The following NPR3 variants were observed in gnomAD, a reference collection of about 807,000 sequenced individuals.
NPR3 encodes atrial natriuretic peptide receptor 3.
In NPR3, 34 loss-of-function variants were observed where a neutral mutation model predicts 54.5. The observed-to-expected ratio is 0.62, with a 90% CI of 0.47 to 0.83. The LOEUF (loss-of-function observed/expected upper bound fraction) is 0.83. NPR3 is among the 40% of genes least tolerant of loss of function. The probability of loss-of-function intolerance (pLI) is 0.00; values close to 1 mark genes in which losing one functional copy is unlikely to be tolerated. For synonymous variants in NPR3, 289 were observed against 297.1 expected, an observed-to-expected ratio of 0.97 and a Z score of 0.28; for missense variants, 674 against 720.8, an observed-to-expected ratio of 0.94 and a Z score of 0.74.
intron 2 of NPR3, among the ~76,000 whole-genome samples, chr5:32,732,247 CAAAAAAAAAA>C (rs34564234): frequency 9.1e-5 from 3 of 32,986 alleles, no homozygotes; most frequent in African/African-American, 2.7e-4. Flanking sequence ...GACTCCGTCT[CAAAAAAAAAA>C]AAAAAAAAAA....
chr5:32,763,762 G>T (rs565634078), intron 3 of NPR3, among the ~76,000 whole-genome samples: 3 of 151,878 alleles, frequency 2.0e-5, no homozygotes, highest in Non-Finnish European at 4.4e-5. Flanking sequence ...TCCAGCCCCC[G>T]CATGTCCAGT....
intron 3 of NPR3, among the ~76,000 whole-genome samples, chr5:32,747,027 G>A (rs1369924543): frequency 6.6e-6 from 1 of 152,048 alleles, no homozygotes; most frequent in Non-Finnish European, 1.5e-5. Flanking sequence ...GATTGAAAGG[G>A]CCCAATATAA....
chr5:32,709,153 G>T (rs1399942665), upstream of NPR3, among the ~76,000 whole-genome samples: 1 of 152,058 alleles, frequency 6.6e-6, no homozygotes, highest in Non-Finnish European at 1.5e-5. Context: ...TGAAACCCCA[G>T]ACTCTCCGCA....
intron 2 of NPR3, among the ~76,000 whole-genome samples, chr5:32,736,211 A>G (rs1228694211): frequency 1.4e-5 from 2 of 144,886 alleles, no homozygotes; most frequent in Non-Finnish European, 3.0e-5. Flanking sequence ...AGCCTGGGTG[A>G]CAGAGAGACA....
intron 4 of NPR3, 91 bp from the exon 5 acceptor site, chr5:32,780,631 A>C (rs1482266785): frequency 1.3e-6 from 1 of 776,706 alleles, no homozygotes; most frequent in Admixed American, 1.7e-5. Flanking sequence ...AGTTTGTTTA[A>C]AAAATCCTGC....
In NPR3 at chr5:32,712,043, G is replaced by C. The variant is rs1458329208; in HGVS notation, c.267G>C (p.Gly89=). 1 of 1,613,816 alleles carries C rather than the reference G, an allele frequency of 6.2e-7. No homozygotes were observed. Among genetic ancestry groups the C allele is most frequent in the Admixed American group, 1.7e-5 (1 of 60,010 alleles). The part of the protein sequence containing the change: ...ALRSVEGNGT[G]RRLLPPGTRF... Reference sequence around the variant, plus strand: ...GCAGCGTGGAGGGCAACGGGACTGGGAGGCGGCTTCTGCCGCCGGGCACTC... The same window carrying C: ...GCAGCGTGGAGGGCAACGGGACTGGCAGGCGGCTTCTGCCGCCGGGCACTC... The change falls in exon 1 of 8, where the codon GGG becomes GGC. Residue 89 remains glycine (G), a synonymous_variant. Coordinates refer to ENST00000265074, the MANE Select transcript of NPR3 (RefSeq NM_001204375.2).
chr5:32,748,224 T>G (rs1214125607), intron 3 of NPR3, among the ~76,000 whole-genome samples: 1 of 152,220 alleles, frequency 6.6e-6, no homozygotes, highest in East Asian at 1.9e-4. Context: ...ATTATTTATA[T>G]TTTTCATGCT....
At chr5:32,756,377 G>A (rs972867409) in intron 3 of NPR3, among the ~76,000 whole-genome samples, 84 of 152,306 alleles carry the variant, frequency 5.5e-4, no homozygotes, top group African/African-American at 1.9e-3. Flanking sequence ...TTTTTCATGT[G>A]TCTGTTGACT....
chr5:32,768,068 T>A (rs1191040399), intron 3 of NPR3, among the ~76,000 whole-genome samples: 3 of 152,190 alleles, frequency 2.0e-5, no homozygotes, highest in Non-Finnish European at 4.4e-5. Context: ...ATCCTGCTCC[T>A]CTTCCCGCCC....
chr5:32,731,326 CT>C (rs1739437806), intron 2 of NPR3, among the ~76,000 whole-genome samples: 1 of 152,128 alleles, frequency 6.6e-6, no homozygotes, highest in Non-Finnish European at 1.5e-5. Flanking sequence ...TTTGCTCAGA[CT>C]TTGTGCTTTG....
intron 1 of NPR3, among the ~76,000 whole-genome samples, chr5:32,702,209 G>C (rs1237206747): frequency 2.0e-5 from 3 of 152,150 alleles, no homozygotes; most frequent in Non-Finnish European, 4.4e-5. Flanking sequence ...TGGCGCACTA[G>C]TCTACTGCGG....
In NPR3 at chr5:32,786,492, C is replaced by T; in HGVS notation, c.*147C>T. The T allele has an allele frequency of 3.1e-6, 2 of 636,532 alleles. No homozygotes were observed. The highest frequency in any genetic ancestry group is 5.8e-5 in the East Asian group (2 of 34,424). The allele number at this position is 636,532 out of a possible 1,614,324, so 39.4% of individuals were successfully genotyped here. On this transcript the variant is annotated 3_prime_UTR_variant, in exon 8 of 8. Coordinates refer to ENST00000265074, the MANE Select transcript of NPR3 (RefSeq NM_001204375.2). ...TTTCATTTTAAAATTTCTGTAGAAG[C>T]TCAGGAATTATGATTAATCACCATC...
intron 2 of NPR3, 110 bp downstream of exon 2, chr5:32,724,930 A>C: frequency 1.7e-6 from 2 of 1,177,424 alleles, no homozygotes; most frequent in Admixed American, 3.9e-5. Context: ...ACACCATGGA[A>C]TACTATGCAG....
At chr5:32,760,277 T>C (rs10053638) in intron 3 of NPR3, among the ~76,000 whole-genome samples, 16,521 of 152,198 alleles carry the variant, frequency 0.11, 981 homozygotes, top group South Asian at 0.21. Context: ...TTTAACTTTA[T>C]AAGAAGCTGT....
Position 32,711,996 on chromosome 5 carries a change from C to T in NPR3, c.220C>T (p.Pro74Ser). ...CTTGTTTTCACTCACCCGGGTGCGG[C>T]CGGCCATCGAGTATGCTCTGCGCAG... ...SYLFSLTRVR[P>S]AIEYALRSVE... The change falls in exon 1 of 8, where the codon CCG (proline) becomes TCG (serine). Residue 74 changes from proline to serine, a missense_variant. Coordinates refer to ENST00000265074, the MANE Select transcript of NPR3 (RefSeq NM_001204375.2). 1 of 1,611,972 alleles carries T rather than the reference C, an allele frequency of 6.2e-7. No individual in the cohort carries two copies. Among genetic ancestry groups the T allele is most frequent in the East Asian group, 2.2e-5 (1 of 44,828 alleles).
intron 3 of NPR3, among the ~76,000 whole-genome samples, chr5:32,763,013 G>A (rs1554017854): frequency 6.6e-6 from 1 of 152,176 alleles, no homozygotes; most frequent in Non-Finnish European, 1.5e-5. Flanking sequence ...TTTGTATAAG[G>A]TATAAGGAAG....
upstream of NPR3, chr5:32,710,920 G>GTA (rs1411890177): frequency 1.1e-3 from 774 of 702,982 alleles, 1 homozygote; most frequent in Non-Finnish European, 8.6e-4. Context: ...GTGTGTGTAT[G>GTA]TGTGCGTGCG....
chr5:32,784,833 C>T lies in NPR3; in HGVS notation c.1464C>T (p.Val488=), dbSNP rs116641029. The change falls in exon 7 of 8, where the codon GTC becomes GTT. Residue 488 remains valine, a synonymous_variant. Coordinates refer to ENST00000265074, the MANE Select transcript of NPR3 (RefSeq NM_001204375.2). The stretch of plus-strand genomic sequence containing the variant: ...AAGAATCGGCAGTGACAGGAATTGT[C>T]GTGGGGGCTTTACTAGGAGCTGGCT... ...GLEESAVTGI[V]VGALLGAGLL... 9.6e-4 allele frequency: 1,555 copies of T among 1,613,700 alleles called. 11 individuals are homozygous for T. In the African/African-American group the frequency reaches 0.018, roughly 18 times the overall value.
chr5:32,786,237 G>A lies in NPR3; in HGVS notation c.1518G>A (p.Lys506=). 7.3e-7 allele frequency: 1 copy of A among 1,365,818 alleles called. No homozygotes were observed. Among genetic ancestry groups the A allele is most frequent in the Non-Finnish European group, 1.0e-6 (1 of 972,276 alleles). 84.6% of individuals were successfully genotyped at this position (1,365,818 alleles called of 1,614,324 possible). ...CATTCACTTTCCCTTTACCCAGGAAGAAATACAGAATAACCATTGAGAGGC... is the reference window on the plus strand; with the variant it reads ...CATTCACTTTCCCTTTACCCAGGAAAAAATACAGAATAACCATTGAGAGGC... ...GLLMAFYFFR[K]KYRITIERRT... is the part of the protein sequence containing the mutation. Residue 506 remains lysine, a synonymous_variant, in exon 8 of 8, where the codon AAG becomes AAA. Transcript: ENST00000265074.
Sources: gnomAD v4.1 joint callset for allele counts (sites outside exome capture counted in the v4.1 genomes callset) on GRCh38, gnomAD v4.1.1 for gene constraint, MANE v1.5 for transcripts, NCBI Gene and HGNC (gene_info 2026-07-23, HGNC 2026-07-21) for gene names.